Variants in PDE6B observed in about 807,000 individuals in gnomAD.
PDE6B encodes the protein phosphodiesterase 6B.
PDE6B carries 106 observed loss-of-function variants against 109.0 expected under a neutral mutation model. The ratio of observed to expected loss-of-function variants is 0.97; its 90% confidence interval spans 0.83 to 1.14. The LOEUF (loss-of-function observed/expected upper bound fraction) is 1.14, where lower values mean the gene tolerates loss of function less well. Ranked by LOEUF, PDE6B falls within the 50% of genes most tolerant of loss-of-function variation. The pLI, the probability that PDE6B is intolerant of heterozygous loss-of-function variation, is 0.00. For synonymous variants in PDE6B, 490 were observed against 471.3 expected, an observed-to-expected ratio of 1.04 and a Z score of -0.51; for missense variants, 1,193 against 1,155.6, an observed-to-expected ratio of 1.03 and a Z score of -0.47.
chr4:645,694 A>T (rs1001411531), intron 3 of PDE6B, among the ~76,000 whole-genome samples: 4 of 151,766 alleles, frequency 2.6e-5, no homozygotes, highest in Non-Finnish European at 5.9e-5. Context: ...TATTATTATC[A>T]TCCCCTCTTT....
At chr4:656,087 C>CTGCTTCTCCTTGTCTCTGCCAT (rs1560121970) in intron 7 of PDE6B, 81 bp downstream of exon 7, 4 of 1,062,878 alleles carry the variant, frequency 3.8e-6, no homozygotes, top group Non-Finnish European at 2.9e-6. Flanking sequence ...GTCTCTGCCA[C>CTGCTTCTCCTTGTCTCTGCCAT]GTCCCGCCCT....
rs770881995 is a variant in PDE6B, at chr4:659,008, C to T, written c.1458C>T (p.Gly486=). ...CTGACTGCGATGAGGACGAGCTGGG[C>T]GAAATCCTGGTAAGAACCTTGCTCC... ...EPADCDEDEL[G]EILKEELPGP... is the part of the protein sequence containing the mutation. The change falls in exon 11 of 22, where the codon GGC becomes GGT. Residue 486 remains glycine, a synonymous_variant. Transcript: ENST00000496514. 8 of 1,612,616 alleles carry T rather than the reference C, an allele frequency of 5.0e-6. No individual in the cohort carries two copies. The highest frequency in any genetic ancestry group is 1.1e-5 in the South Asian group (1 of 91,062).
At position 658,541 on chromosome 4, in the gene PDE6B, G is replaced by A. The variant is rs146691227; in HGVS notation, c.1402-411G>A. On this transcript the variant is annotated intron_variant, in intron 10 of 21. Transcript: ENST00000496514. ...CAGTGGGCGGCCAGGTTACCCAGGG[G>A]TCACAGCTCTCTCTGTGTGGTGGGG... 8.6e-3 allele frequency among the ~76,000 whole-genome samples: 1,305 copies of A among 152,168 alleles called. 24 individuals carry two copies. Among genetic ancestry groups the A allele is most frequent in the African/African-American group, 0.03 (1,258 of 41,500 alleles).
chr4:646,539 T>C (rs964710628), intron 3 of PDE6B, among the ~76,000 whole-genome samples: 3 of 152,058 alleles, frequency 2.0e-5, no homozygotes, highest in Non-Finnish European at 4.4e-5. Flanking sequence ...CCATTATTAC[T>C]TCCAACATGT....
chr4:625,968 G>A lies in PDE6B; in HGVS notation c.342G>A (p.Gln114=). Residue 114 remains glutamine, a synonymous_variant, in exon 1 of 22, where the codon CAG becomes CAA. Transcript: ENST00000496514. This position sits in a 1 kb window ranked among gnomAD's most constrained non-coding sequence, Gnocchi z 5.0. Reference sequence around the variant, plus strand: ...TGGCCACCAGGCTTTTCAGCGTGCAGCCGGACAGCGTCCTGGAGGACTGCC... The same window carrying A: ...TGGCCACCAGGCTTTTCAGCGTGCAACCGGACAGCGTCCTGGAGGACTGCC... ...AELATRLFSV[Q]PDSVLEDCLV... 1 of 1,584,504 alleles carries A rather than the reference G, an allele frequency of 6.3e-7. No individual in the cohort carries two copies. Among genetic ancestry groups the A allele is most frequent in the South Asian group, 1.1e-5 (1 of 87,680 alleles).
chr4:650,208 C>T (rs1438324037), intron 3 of PDE6B, among the ~76,000 whole-genome samples: 1 of 152,236 alleles, frequency 6.6e-6, no homozygotes, highest in Non-Finnish European at 1.5e-5. Flanking sequence ...CCTCCAGCCA[C>T]ACCTTGAAAA....
chr4:658,648 C>T (rs994124851), intron 10 of PDE6B, among the ~76,000 whole-genome samples: 1 of 152,146 alleles, frequency 6.6e-6, no homozygotes, highest in Non-Finnish European at 1.5e-5. Flanking sequence ...GCATCCCTTC[C>T]CTGTGCTCAA....
chr4:666,552 G>A lies in PDE6B; in HGVS notation c.2290G>A (p.Ala764Thr), dbSNP rs897030115. Residue 764 changes from alanine to threonine, a missense_variant, in exon 20 of 22, where the codon GCG (alanine) becomes ACG (threonine). Physicochemically the swap from Ala to Thr is moderately conservative, Grantham distance 58. Transcript: ENST00000496514. This position sits in a 1 kb window ranked among gnomAD's most constrained non-coding sequence, Gnocchi z 5.6. The stretch of plus-strand genomic sequence containing the variant: ...CCAGCCTATGATGGACCGGAACAAG[G>A]CGGCCGAGCTCCCCAAGCTGCAAGT... ...QPIPMMDRNK[A>T]AELPKLQVGF... 1 of 1,613,006 alleles carries A rather than the reference G, an allele frequency of 6.2e-7. No homozygotes were observed. The highest frequency in any genetic ancestry group is 8.5e-7 in the Non-Finnish European group (1 of 1,179,228).
chr4:638,946 C>T (rs759911264), intron 3 of PDE6B, among the ~76,000 whole-genome samples: 14 of 152,178 alleles, frequency 9.2e-5, no homozygotes, highest in Non-Finnish European at 1.8e-4. Context: ...ACCTGGCCAT[C>T]GCTCTGGCAC....
chr4:661,947 C>A, intron 12 of PDE6B, 187 bp from the exon 13 acceptor site: 1 of 633,920 alleles, frequency 1.6e-6, no homozygotes, highest in Middle Eastern at 4.2e-4. Flanking sequence ...AATGTGGCAG[C>A]CCCTACCCAG....
At chr4:664,850 A>G in intron 17 of PDE6B, 31 bp from the exon 18 acceptor site, 1 of 1,588,458 alleles carries the variant, frequency 6.3e-7, no homozygotes. Context: ...GGAGACGCCC[A>G]TCAGCACTCG....
intron 10 of PDE6B, among the ~76,000 whole-genome samples, chr4:658,410 G>A (rs1233644059): frequency 6.8e-6 from 1 of 146,724 alleles, no homozygotes; most frequent in Admixed American, 6.7e-5. Flanking sequence ...ACGGCTGTGT[G>A]GCAGGGGCAG....
At chr4:659,560 T>C (rs1330858958) in intron 11 of PDE6B, among the ~76,000 whole-genome samples, 1 of 151,818 alleles carries the variant, frequency 6.6e-6, no homozygotes, top group Non-Finnish European at 1.5e-5. Flanking sequence ...TGTGTACATG[T>C]GTGCACATGT....
At chr4:640,975 G>A (rs899766031) in intron 3 of PDE6B, among the ~76,000 whole-genome samples, 5 of 152,168 alleles carry the variant, frequency 3.3e-5, no homozygotes, top group African/African-American at 7.2e-5. Context: ...GAATGTCAGC[G>A]CTCTAGTTGT....
chr4:637,142 G>C (rs1371454842), intron 3 of PDE6B, among the ~76,000 whole-genome samples: 1 of 151,604 alleles, frequency 6.6e-6, no homozygotes, highest in African/African-American at 2.4e-5. Flanking sequence ...CGTGAGTCCA[G>C]CTTTGGCCAC....
intron 5 of PDE6B, 181 bp from the exon 6 acceptor site, chr4:654,643 G>C: frequency 1.5e-6 from 1 of 687,404 alleles, no homozygotes; most frequent in Non-Finnish European, 2.7e-6. Context: ...GAGTGCACCC[G>C]CATTCGTAGA....
chr4:662,183 C>A lies in PDE6B; in HGVS notation c.1664C>A (p.Thr555Asn), dbSNP rs905974187. 12 of 1,581,696 alleles carry A rather than the reference C, an allele frequency of 7.6e-6. No homozygotes were observed. Among genetic ancestry groups the A allele is most frequent in the Non-Finnish European group, 1.0e-5 (12 of 1,164,038 alleles). The change falls in exon 13 of 22, where the codon ACC (threonine) becomes AAC (asparagine). Residue 555 changes from threonine (T) to asparagine (N), a missense_variant. Thr to Asn is a moderately conservative substitution (Grantham distance 65). Coordinates refer to ENST00000496514, the MANE Select transcript of PDE6B (RefSeq NM_000283.4). This position sits in a 1 kb window ranked among gnomAD's most constrained non-coding sequence, Gnocchi z 4.3. ...ATCAGCAAAGGGTACCGGAGAATCA[C>A]CTACCACAACTGGCGCCACGGCTTC... ...FSISKGYRRI[T>N]YHNWRHGFNV...
At chr4:641,468 C>T (rs1396958362) in intron 3 of PDE6B, among the ~76,000 whole-genome samples, 2 of 152,220 alleles carry the variant, frequency 1.3e-5, no homozygotes, top group African/African-American at 4.8e-5. Context: ...TGAGGCCTCA[C>T]CTTCTCCTTG....
intron 3 of PDE6B, 32 bp from the exon 4 acceptor site, chr4:653,820 C>T: frequency 2.5e-6 from 4 of 1,612,296 alleles, no homozygotes; most frequent in Non-Finnish European, 3.4e-6. Flanking sequence ...GTGGGAGTGG[C>T]CACAGGCCCA....
Sources: gnomAD v4.1 joint callset for allele counts (sites outside exome capture counted in the v4.1 genomes callset) on GRCh38, gnomAD v4.1.1 for gene constraint, Gnocchi (gnomAD v3.1) non-coding constraint, MANE v1.5 for transcripts, NCBI Gene and HGNC (gene_info 2026-07-23, HGNC 2026-07-21) for gene names.